The following TCERG1L variants were observed in gnomAD, a reference collection of about 807,000 sequenced individuals.
TCERG1L encodes transcription elongation regulator 1 like, also known as transcription elongation regulator 1-like protein.
TCERG1L carries 37 observed loss-of-function variants against 56.3 expected under a neutral mutation model. That is an observed-to-expected ratio of 0.66 (90% confidence interval 0.51 to 0.87). The LOEUF is 0.87. Among genes scored for constraint, TCERG1L ranks in the 40% least tolerant of loss-of-function variants. TCERG1L has a pLI of 0.00. For missense variants in TCERG1L, 799 were observed against 774.2 expected (o/e 1.03, Z -0.38); for synonymous variants, 324 against 326.3 (o/e 0.99, Z 0.08).
In TCERG1L at chr10:131,291,673, G is replaced by A. The variant is rs527700755; in HGVS notation, c.670+16538C>T. On this transcript the variant is annotated intron_variant, in intron 3 of 11. Transcript: ENST00000368642. ...GATCTCCTGACCTCGTGATCCGCCC[G>A]TCTCGGCCTCCCAAAGTGCTAGGAT... is the stretch of plus-strand genomic sequence containing the variant. Among the ~76,000 whole-genome samples the A allele has an allele frequency of 5.9e-5, 9 of 151,430 alleles. No homozygotes were observed. In the South Asian group the frequency reaches 1.0e-3, roughly 18 times the overall value.
chr10:131,282,338 G>GAATGGTGTTTTAGAAAAGCAT (rs371103390), intron 3 of TCERG1L, among the ~76,000 whole-genome samples: 3 of 151,966 alleles, frequency 2.0e-5, no homozygotes, highest in African/African-American at 4.8e-5. Flanking sequence ...ATGGTGACAT[G>GAATGGTGTTTTAGAAAAGCAT]AATGGTGTTT....
Position 131,283,137 on chromosome 10 carries a change from G to A in TCERG1L, c.671-22693C>T, listed in dbSNP as rs534617016. Among the ~76,000 whole-genome samples, 56 of 152,320 alleles carry A rather than the reference G, an allele frequency of 3.7e-4. 1 individual carries two copies. Among genetic ancestry groups the A allele is most frequent in the African/African-American group, 1.1e-3 (45 of 41,574 alleles). On this transcript the variant is annotated intron_variant, in intron 3 of 11. Coordinates refer to ENST00000368642, the MANE Select transcript of TCERG1L (RefSeq NM_174937.4). ...AGTGAGTCATGTCTGCCACGGTGCC[G>A]TGAGCAAGGTTCTCTGAGAGGCTCT...
intron 3 of TCERG1L, among the ~76,000 whole-genome samples, chr10:131,261,185 T>G (rs1303314195): frequency 6.6e-6 from 1 of 152,226 alleles, no homozygotes; most frequent in Non-Finnish European, 1.5e-5. Context: ...GAAAGTTTGC[T>G]TCTTCCTCTG....
chr10:131,216,379 A>G (rs1304042071), intron 4 of TCERG1L, among the ~76,000 whole-genome samples: 1 of 152,184 alleles, frequency 6.6e-6, no homozygotes, highest in East Asian at 1.9e-4. Context: ...CAGATCCTAC[A>G]ACTGCCTGCC....
chr10:131,234,753 G>A (rs543212843), intron 4 of TCERG1L, among the ~76,000 whole-genome samples: 2 of 152,200 alleles, frequency 1.3e-5, no homozygotes, highest in Non-Finnish European at 2.9e-5. Flanking sequence ...CACCAGGCTG[G>A]AGACCAGTAG....
intron 6 of TCERG1L, among the ~76,000 whole-genome samples, chr10:131,154,719 C>G (rs1301765460): frequency 2.0e-5 from 3 of 152,198 alleles, no homozygotes; most frequent in African/African-American, 7.2e-5. Flanking sequence ...CCTTCCTTCC[C>G]TCTTGAGTAG....
intron 4 of TCERG1L, among the ~76,000 whole-genome samples, chr10:131,174,023 G>T (rs575673575): frequency 1.3e-5 from 2 of 152,196 alleles, no homozygotes; most frequent in South Asian, 2.1e-4. Context: ...ACTGCTACCG[G>T]AGGGGATGGA....
chr10:131,244,246 G>A (rs1846003954), intron 4 of TCERG1L, among the ~76,000 whole-genome samples: 2 of 152,334 alleles, frequency 1.3e-5, no homozygotes, highest in Non-Finnish European at 2.9e-5. Flanking sequence ...ATGAGTACAG[G>A]CACATGAGTA....
chr10:131,223,430 A>G (rs1845757133), intron 4 of TCERG1L, among the ~76,000 whole-genome samples: 1 of 152,226 alleles, frequency 6.6e-6, no homozygotes, highest in East Asian at 1.9e-4. Flanking sequence ...AGAGAGAGCT[A>G]GATGCCGACC....
At chr10:131,160,640 T>A (rs1005622790) in intron 6 of TCERG1L, 1 of 152,278 alleles carries the variant, frequency 6.6e-6, no homozygotes, top group Non-Finnish European at 1.5e-5. Flanking sequence ...CCAAGCTGCC[T>A]TGTTCTGCTT....
chr10:131,309,189 C>T lies in TCERG1L; in HGVS notation c.453G>A (p.Gly151=), dbSNP rs761208770. Reference sequence around the variant, plus strand: ...GAATCCTTTTGTCTATCCAACTTTTCCCAATAGGGGTTGCAAGAGCAGAAG... The same window carrying T: ...GAATCCTTTTGTCTATCCAACTTTTTCCAATAGGGGTTGCAAGAGCAGAAG... The part of the protein sequence containing the change: ...LCPSALATPI[G]KSWIDKRIPN... The change falls in exon 2 of 12, where the codon GGG becomes GGA. Residue 151 remains glycine (G), a synonymous_variant. Transcript: ENST00000368642. 5.0e-6 allele frequency: 8 copies of T among 1,609,718 alleles called. No homozygotes were observed. The Admixed American group carries it at 1.4e-4, about 27-fold the overall frequency.
At chr10:131,172,106 T>C (rs1676156617) in intron 4 of TCERG1L, among the ~76,000 whole-genome samples, 1 of 152,210 alleles carries the variant, frequency 6.6e-6, no homozygotes, top group Admixed American at 6.5e-5. Context: ...TCTCTTCCAG[T>C]TCTGGGATTC....
At chr10:131,249,421 TA>T (rs1449617140) in intron 4 of TCERG1L, among the ~76,000 whole-genome samples, 1 of 152,090 alleles carries the variant, frequency 6.6e-6, no homozygotes, top group African/African-American at 2.4e-5. Context: ...TCCACCCGGC[TA>T]CCCCAGCGTA....
At chr10:131,226,765 T>C (rs1321769282) in intron 4 of TCERG1L, among the ~76,000 whole-genome samples, 2 of 152,244 alleles carry the variant, frequency 1.3e-5, no homozygotes, top group Non-Finnish European at 2.9e-5. Context: ...CAACAAAAAC[T>C]GGGTTCATTT....
chr10:131,245,574 G>A (rs1314690718), intron 4 of TCERG1L, among the ~76,000 whole-genome samples: 37 of 152,138 alleles, frequency 2.4e-4, no homozygotes, highest in Admixed American at 2.3e-3. Context: ...GACCAAGCCC[G>A]CAGCTCACGG....
At chr10:131,270,616 G>A (rs1243226331) in intron 3 of TCERG1L, among the ~76,000 whole-genome samples, 1 of 152,230 alleles carries the variant, frequency 6.6e-6, no homozygotes, top group Non-Finnish European at 1.5e-5. Context: ...TTGATGCCCA[G>A]CCCCGCATGG....
chr10:131,165,623 C>A (rs994563573), intron 5 of TCERG1L, among the ~76,000 whole-genome samples: 1 of 152,114 alleles, frequency 6.6e-6, no homozygotes, highest in African/African-American at 2.4e-5. Context: ...CTAGGGGGGA[C>A]TTTCATTATG....
At chr10:131,299,237 A>G (rs1188018073) in intron 3 of TCERG1L, among the ~76,000 whole-genome samples, 1 of 152,120 alleles carries the variant, frequency 6.6e-6, no homozygotes, top group Non-Finnish European at 1.5e-5. Flanking sequence ...AGTTTTTTAT[A>G]GACATCGTAT....
intron 6 of TCERG1L, 59 bp from the exon 7 acceptor site, chr10:131,146,719 T>A: frequency 6.5e-7 from 1 of 1,543,598 alleles, no homozygotes; most frequent in East Asian, 2.3e-5. Flanking sequence ...TAGAAAGTCG[T>A]TAGCATGAAC....
Sources: gnomAD v4.1 joint callset for allele counts (sites outside exome capture counted in the v4.1 genomes callset) on GRCh38, gnomAD v4.1.1 for gene constraint, MANE v1.5 for transcripts, NCBI Gene and HGNC (gene_info 2026-07-23, HGNC 2026-07-21) for gene names.